The following CHLSN variants were observed in gnomAD, a reference collection of about 807,000 sequenced individuals.
The protein encoded by CHLSN is cholesin, also known as protein cholesin.
chr7:1,091,471 C>A, the CHLSN span: 2 of 468,100 alleles, frequency 4.3e-6, no homozygotes, highest in Non-Finnish European at 7.6e-6. Context: ...CAGGGACGCC[C>A]GCCGGACGAG....
chr7:1,022,009 G>A, the CHLSN span, among the ~76,000 whole-genome samples: 2 of 152,206 alleles, frequency 1.3e-5, no homozygotes, highest in African/African-American at 4.8e-5. Context: ...AGGTGACAGC[G>A]ATGACGGCCC....
At chr7:994,349 T>C in the CHLSN span, among the ~76,000 whole-genome samples, 2 of 151,970 alleles carry the variant, frequency 1.3e-5, no homozygotes, top group Admixed American at 6.6e-5. Flanking sequence ...TTAGTAGAGA[T>C]GGGCTTTCAC....
the CHLSN span, among the ~76,000 whole-genome samples, chr7:1,102,739 C>A: frequency 2.6e-5 from 4 of 152,222 alleles, no homozygotes; most frequent in Non-Finnish European, 4.4e-5. Flanking sequence ...CCCGCAGGCA[C>A]GGTGCCCGCC....
chr7:1,043,549 C>T, the CHLSN span: 4 of 152,242 alleles, frequency 2.6e-5, no homozygotes, highest in Admixed American at 6.5e-5. Flanking sequence ...GATCAGTACC[C>T]GGCACCTCTG....
the CHLSN span, chr7:988,764 C>T: frequency 6.3e-7 from 1 of 1,598,614 alleles, no homozygotes; most frequent in African/African-American, 1.3e-5. Flanking sequence ...ACCACGCCCG[C>T]CCGGGCTTTT....
the CHLSN span, among the ~76,000 whole-genome samples, chr7:1,068,061 G>A: frequency 6.6e-6 from 1 of 152,128 alleles, no homozygotes; most frequent in Non-Finnish European, 1.5e-5. Flanking sequence ...ACGGTCCTGC[G>A]CACCAGGCTC....
chr7:1,009,294 C>T, the CHLSN span, among the ~76,000 whole-genome samples: 1 of 152,198 alleles, frequency 6.6e-6, no homozygotes, highest in East Asian at 1.9e-4. Context: ...CACGTGGACG[C>T]CGTGACACCC....
chr7:1,020,164 C>A, the CHLSN span, among the ~76,000 whole-genome samples: 1 of 152,170 alleles, frequency 6.6e-6, no homozygotes, highest in Admixed American at 6.5e-5. Context: ...GCCCCGCGTG[C>A]GATGCCCTGG....
the CHLSN span, among the ~76,000 whole-genome samples, chr7:1,124,577 G>C: frequency 0.037 from 3,960 of 108,284 alleles, 118 homozygotes; most frequent in East Asian, 0.072. Flanking sequence ...GGGGGGGGAG[G>C]GGGGAGGGAT....
At chr7:1,134,947 C>T in the CHLSN span, among the ~76,000 whole-genome samples, 2 of 152,150 alleles carry the variant, frequency 1.3e-5, no homozygotes, top group South Asian at 2.1e-4. Context: ...TTCCTTCCCC[C>T]ATCCCATCAG....
the CHLSN span, among the ~76,000 whole-genome samples, chr7:999,384 G>A: frequency 5.3e-5 from 8 of 150,718 alleles, no homozygotes; most frequent in African/African-American, 1.7e-4. Context: ...TTCCACCCTT[G>A]TGCCTGCCCC....
chr7:1,081,317 A>G, the CHLSN span, among the ~76,000 whole-genome samples: 6 of 151,738 alleles, frequency 4.0e-5, no homozygotes, highest in Admixed American at 2.0e-4. Context: ...AACTGTGAGG[A>G]CCCCCTCTCC....
At chr7:1,046,094 T>A in the CHLSN span, among the ~76,000 whole-genome samples, 1 of 152,190 alleles carries the variant, frequency 6.6e-6, no homozygotes, top group African/African-American at 2.4e-5. Context: ...ATACAATGAA[T>A]CAATGGCATA....
At chr7:1,032,283 C>G in the CHLSN span, among the ~76,000 whole-genome samples, 2 of 152,222 alleles carry the variant, frequency 1.3e-5, no homozygotes, top group African/African-American at 4.8e-5. Flanking sequence ...GATGAAGCCC[C>G]CCGCAGGTGG....
At chr7:1,075,533 A>T in the CHLSN span, among the ~76,000 whole-genome samples, 1 of 151,776 alleles carries the variant, frequency 6.6e-6, no homozygotes, top group Admixed American at 6.6e-5. Context: ...CAAAAAAAAA[A>T]TTAAAAAAAA....
At chr7:1,110,670 G>A in the CHLSN span, among the ~76,000 whole-genome samples, 5 of 152,202 alleles carry the variant, frequency 3.3e-5, no homozygotes, top group East Asian at 1.9e-4. Flanking sequence ...GTGGGAGGCC[G>A]CTGTCTGTGT....
the CHLSN span, chr7:996,913 G>C: frequency 6.6e-6 from 1 of 152,344 alleles, no homozygotes; most frequent in Non-Finnish European, 1.5e-5. Flanking sequence ...GGCCACCAAG[G>C]GCGGGGTCTC....
At chr7:1,069,362 C>T in the CHLSN span, among the ~76,000 whole-genome samples, 1 of 145,162 alleles carries the variant, frequency 6.9e-6, no homozygotes, top group Non-Finnish European at 1.6e-5. Context: ...CCTCTCCCCT[C>T]TCCCCTCTCC....
chr7:1,093,058 A>T, the CHLSN span: 1 of 709,122 alleles, frequency 1.4e-6, no homozygotes, highest in Non-Finnish European at 2.6e-6. Flanking sequence ...TGCACTCCTC[A>T]CACAGAATTG....
Sources: gnomAD v4.1 joint callset for allele counts (sites outside exome capture counted in the v4.1 genomes callset) on GRCh38, gnomAD v4.1.1 for gene constraint, MANE v1.5 for transcripts, NCBI Gene and HGNC (gene_info 2026-07-23, HGNC 2026-07-21) for gene names.